Variants in BCAN observed in about 807,000 individuals in gnomAD.
The protein encoded by BCAN is brevican core protein.
A neutral mutation model predicts 92.4 loss-of-function variants in BCAN; 51 were observed. The observed-to-expected ratio is 0.55, with a 90% CI of 0.44 to 0.70. The LOEUF (loss-of-function observed/expected upper bound fraction) is 0.70. Ranked by LOEUF, BCAN falls within the 30% of genes least tolerant of loss-of-function variation. BCAN has a pLI of 0.00. For missense variants in BCAN, 1,140 were observed against 1,212.1 expected, an observed-to-expected ratio of 0.94 and a Z score of 0.88; for synonymous variants, 501 against 505.2, an observed-to-expected ratio of 0.99 and a Z score of 0.11.
rs147038529 is a variant in BCAN at position 156,651,631 on chromosome 1, C to T, written c.1239C>T (p.Asp413=). 2.1e-4 allele frequency: 337 copies of T among 1,613,730 alleles called. 2 individuals are homozygous for T. The highest frequency in any genetic ancestry group is 4.6e-4 in the South Asian group (42 of 91,072). The part of the protein sequence containing the change: ...GAIYSIPIME[D]GGGGSSTPED... Reference sequence around the variant, plus strand: ...TCTACTCCATCCCCATCATGGAGGACGGAGGAGGTGGAAGCTCCACTCCAG... The same window carrying T: ...TCTACTCCATCCCCATCATGGAGGATGGAGGAGGTGGAAGCTCCACTCCAG... The change falls in exon 7 of 14, where the codon GAC becomes GAT. Residue 413 remains aspartate (D), a synonymous_variant. Coordinates refer to ENST00000329117, the MANE Select transcript of BCAN (RefSeq NM_021948.5).
intron 6 of BCAN, among the ~76,000 whole-genome samples, 194 bp from the exon 7 acceptor site, chr1:156,651,262 T>C (rs943569405): frequency 1.3e-5 from 2 of 152,228 alleles, no homozygotes; most frequent in Non-Finnish European, 2.9e-5. Flanking sequence ...GGGGAATGCT[T>C]GGCATGACAC....
intron 8 of BCAN, chr1:156,653,538 G>A: frequency 1.0e-6 from 1 of 985,660 alleles, no homozygotes; most frequent in Non-Finnish European, 1.2e-6. Flanking sequence ...CTGTGTCATG[G>A]GGAGCACTTG....
rs572158127 is a variant in BCAN, at chr1:156,652,886, G to A, written c.1936G>A (p.Ala646Thr). Residue 646 changes from alanine to threonine, a missense_variant, in exon 8 of 14, where the codon GCA becomes ACA. This residue lies in a region of BCAN where 825 missense variants were observed against 871.8 expected (regional missense o/e 0.95). Coordinates refer to ENST00000329117, the MANE Select transcript of BCAN (RefSeq NM_021948.5). ...CCGAGGTGGAGTGGCCGTGGTCCCC[G>A]CATCAGGTAATTCTGCCCAAGGCTC... ...ASRGGVAVVP[A>T]SGDCVPSPCH... 15 of 1,613,428 alleles carry A rather than the reference G, an allele frequency of 9.3e-6. No individual in the cohort carries two copies. Among genetic ancestry groups the A allele is most frequent in the Middle Eastern group, 1.7e-4 (1 of 6,060 alleles).
intron 6 of BCAN, chr1:156,649,781 G>A (rs1679101951): frequency 2.1e-6 from 1 of 479,290 alleles, no homozygotes; most frequent in Non-Finnish European, 4.2e-6. Flanking sequence ...CAGGCCAAGG[G>A]TGACCGACAA....
At position 156,651,484 on chromosome 1, in the gene BCAN, G is replaced by A. The variant is rs776921204; in HGVS notation, c.1092G>A (p.Glu364=). 1 of 1,613,948 alleles carries A rather than the reference G, an allele frequency of 6.2e-7. No individual in the cohort carries two copies. The highest frequency in any genetic ancestry group is 1.3e-5 in the African/African-American group (1 of 75,030). ...CGGCCCAGCCTTCTGCCATCCCTGA[G>A]GCCTCCAACCCAGCCTCCAACCCAG... ...RDSAQPSAIP[E]ASNPASNPAS... is the part of the protein sequence containing the mutation. The change falls in exon 7 of 14, where the codon GAG becomes GAA. Residue 364 remains glutamate (E), a synonymous_variant. Transcript: ENST00000329117.
In BCAN at chr1:156,648,079, T is replaced by C. The variant is rs1679045624; in HGVS notation, c.738T>C (p.Tyr246=). 1 of 1,613,844 alleles carries C rather than the reference T, an allele frequency of 6.2e-7. No individual in the cohort carries two copies. Among genetic ancestry groups the C allele is most frequent in the Non-Finnish European group, 8.5e-7 (1 of 1,179,948 alleles). Residue 246 remains tyrosine (Y), a synonymous_variant, in exon 5 of 14, where the codon TAT becomes TAC. Coordinates refer to ENST00000329117, the MANE Select transcript of BCAN (RefSeq NM_021948.5). The stretch of plus-strand genomic sequence containing the variant: ...GTGTGGTGGACCCGGATGACCTCTA[T>C]GATGTGTACTGTTATGCTGAAGACC... ...NYGVVDPDDL[Y]DVYCYAEDLN...
rs554167865 is a variant in BCAN at position 156,642,207 on chromosome 1, A to G, written c.-77A>G. On this transcript the variant is annotated 5_prime_UTR_variant, in exon 1 of 14. Coordinates refer to ENST00000329117, the MANE Select transcript of BCAN (RefSeq NM_021948.5). The surrounding 1 kb of genome is among the most constrained non-coding windows in gnomAD (Gnocchi z 4.2). The stretch of plus-strand genomic sequence containing the variant: ...CTGCAGCTGCAGGACTGAGCCGTGC[A>G]CCCGGAGGAGACCCCCGGAGGAGGC... 5 of 152,314 alleles carry G rather than the reference A, an allele frequency of 3.3e-5. No individual in the cohort carries two copies. The highest frequency in any genetic ancestry group is 9.6e-5 in the African/African-American group (4 of 41,532). The allele number at this position is 152,314 out of a possible 1,614,324, so 9.4% of individuals were successfully genotyped here.
Position 156,651,700 on chromosome 1 carries a change from T to A in BCAN, c.1297+11T>A, listed in dbSNP as rs1350475584. The A allele has an allele frequency of 6.3e-7, 1 of 1,591,194 alleles. No homozygotes were observed. Among genetic ancestry groups the A allele is most frequent in the Non-Finnish European group, 8.6e-7 (1 of 1,168,734 alleles). On this transcript the variant is annotated intron_variant, in intron 7 of 13. Coordinates refer to ENST00000329117, the MANE Select transcript of BCAN (RefSeq NM_021948.5). ...CTAGGACGCTCCTAGGTAAGTCGGA[T>A]CCCTTATCCTAAGGATGTCTTGATT... is the stretch of plus-strand genomic sequence containing the variant.
Position 156,648,202 on chromosome 1 carries a change from C to G in BCAN, c.769+92C>G, listed in dbSNP as rs149491662. ...GGGCCTCTGCAGGACCTTACTATCCCTCCTGAGTTTAAGGGGGCAAGCAGG... is the reference window on the plus strand; with the variant it reads ...GGGCCTCTGCAGGACCTTACTATCCGTCCTGAGTTTAAGGGGGCAAGCAGG... On this transcript the variant is annotated intron_variant, in intron 5 of 13. Coordinates refer to ENST00000329117, the MANE Select transcript of BCAN (RefSeq NM_021948.5). 1,006 of 1,514,288 alleles carry G rather than the reference C, an allele frequency of 6.6e-4. 1 individual carries two copies. The highest frequency in any genetic ancestry group is 2.6e-3 in the Middle Eastern group (12 of 4,602). The allele number at this position is 1,514,288 out of a possible 1,614,324, so 93.8% of individuals were successfully genotyped here.
chr1:156,645,174 C>CG (rs1324639744), intron 1 of BCAN, among the ~76,000 whole-genome samples: 1 of 152,044 alleles, frequency 6.6e-6, no homozygotes, highest in African/African-American at 2.4e-5. Flanking sequence ...ATTTATTCTC[C>CG]CCCCCCTTAG....
At position 156,658,311 on chromosome 1, in the gene BCAN, G is replaced by A; in HGVS notation, c.2437+40G>A. 1 of 1,607,084 alleles carries A rather than the reference G, an allele frequency of 6.2e-7. No individual in the cohort carries two copies. The highest frequency in any genetic ancestry group is 8.5e-7 in the Non-Finnish European group (1 of 1,176,170). On this transcript the variant is annotated intron_variant, in intron 12 of 13. Coordinates refer to ENST00000329117, the MANE Select transcript of BCAN (RefSeq NM_021948.5). This position sits in a 1 kb window ranked among gnomAD's most constrained non-coding sequence, Gnocchi z 4.4. ...AGGAGGGTCCCAGCAAGGAAGTGGA[G>A]GGGTGGGCTAGGGGACCAGAGGGAC...
intron 6 of BCAN, among the ~76,000 whole-genome samples, chr1:156,651,132 CAA>C (rs1183320086): frequency 1.3e-5 from 2 of 152,368 alleles, no homozygotes; most frequent in East Asian, 3.9e-4. Context: ...TAACTCTGCT[CAA>C]GTGTTCTTTA....
intron 6 of BCAN, among the ~76,000 whole-genome samples, chr1:156,649,434 A>G (rs1679090050): frequency 6.6e-6 from 1 of 151,916 alleles, no homozygotes; most frequent in Non-Finnish European, 1.5e-5. Flanking sequence ...ACAGGGTCTC[A>G]CTCCGTCCCC....
At chr1:156,657,452 C>T (rs1162391348) in intron 10 of BCAN, 3 of 551,300 alleles carry the variant, frequency 5.4e-6, no homozygotes, top group Non-Finnish European at 9.5e-6. Context: ...TTTTCCAAAA[C>T]TCCCCTTTTC....
intron 1 of BCAN, chr1:156,644,932 T>C (rs1678911549): frequency 6.6e-6 from 1 of 152,262 alleles, no homozygotes; most frequent in Non-Finnish European, 1.5e-5. Context: ...GCCCAACCCT[T>C]AAAGATGATG....
At chr1:156,657,374 T>C in intron 10 of BCAN, 1 of 558,318 alleles carries the variant, frequency 1.8e-6, no homozygotes, top group Non-Finnish European at 3.1e-6. Context: ...CCCTCCAACC[T>C]CCCTGCTCTC....
At position 156,651,680 on chromosome 1, in the gene BCAN, A is replaced by G. The variant is rs755436243; in HGVS notation, c.1288A>G (p.Thr430Ala). 6.2e-6 allele frequency: 10 copies of G among 1,610,946 alleles called. No homozygotes were observed. Among genetic ancestry groups the G allele is most frequent in the Middle Eastern group, 1.6e-4 (1 of 6,068 alleles). ...AGAAGACCCAGCAGAGGCCCCTAGG[A>G]CGCTCCTAGGTAAGTCGGATCCCTT... ...TPEDPAEAPR[T>A]LLEFETQSMV... The change falls in exon 7 of 14, where the codon ACG (threonine) becomes GCG (alanine). Residue 430 changes from threonine (T) to alanine (A), a missense_variant. This residue lies in a region of BCAN where 825 missense variants were observed against 871.8 expected (regional missense o/e 0.95). Coordinates refer to ENST00000329117, the MANE Select transcript of BCAN (RefSeq NM_021948.5).
Position 156,658,035 on chromosome 1 carries a change from C to A in BCAN, c.2293-92C>A, listed in dbSNP as rs1571453661. On this transcript the variant is annotated intron_variant, in intron 11 of 13. Transcript: ENST00000329117. The surrounding 1 kb of genome is among the most constrained non-coding windows in gnomAD (Gnocchi z 4.4). Reference sequence around the variant, plus strand: ...AGCCCTAACCTTCCCTCTCCTGGGGCCCCGCTCACCAGCCCTCCTCCCCAG... The same window carrying A: ...AGCCCTAACCTTCCCTCTCCTGGGGACCCGCTCACCAGCCCTCCTCCCCAG... 3.5e-5 allele frequency: 51 copies of A among 1,474,200 alleles called. No individual in the cohort carries two copies. In the East Asian group the frequency reaches 1.2e-3, roughly 34 times the overall value. The allele number at this position is 1,474,200 out of a possible 1,614,324, so 91.3% of individuals were successfully genotyped here.
chr1:156,647,702 TG>T lies in BCAN; in HGVS notation c.641+24del. ...CGTGAGGTGGGCAGGGGCTGTGGAT[TG>T]GGGCTTCTATTGGCCCCTGAGGTGG... On this transcript the variant is annotated intron_variant, in intron 4 of 13. Transcript: ENST00000329117. The surrounding 1 kb of genome is among the most constrained non-coding windows in gnomAD (Gnocchi z 4.8). 6.4e-7 allele frequency: 1 copy of T among 1,568,786 alleles called. No homozygotes were observed.
Sources: gnomAD v4.1 joint callset for allele counts (sites outside exome capture counted in the v4.1 genomes callset) on GRCh38, gnomAD v4.1.1 for gene constraint, gnomAD v4.1.1 regional missense constraint, Gnocchi (gnomAD v3.1) non-coding constraint, MANE v1.5 for transcripts, NCBI Gene and HGNC (gene_info 2026-07-23, HGNC 2026-07-21) for gene names.